FAM221B: variants seen among roughly 807,000 people sequenced by gnomAD.
FAM221B encodes the protein protein FAM221B.
In FAM221B, 35 loss-of-function variants were observed where a neutral mutation model predicts 39.8. The ratio of observed to expected loss-of-function variants is 0.88; its 90% confidence interval spans 0.67 to 1.17. FAM221B has a LOEUF of 1.17. Among genes scored for constraint, FAM221B ranks in the 50% most tolerant of loss-of-function variants. The pLI is 0.00. For synonymous variants in FAM221B, 158 were observed against 178.1 expected (o/e 0.89, Z 0.90); for missense variants, 479 against 503.1 (o/e 0.95, Z 0.46).
intron 3 of FAM221B, among the ~76,000 whole-genome samples, chr9:35,820,511 G>A (rs780152441): frequency 1.3e-5 from 2 of 152,202 alleles, no homozygotes; most frequent in African/African-American, 2.4e-5. Context: ...AGGAGAAGGA[G>A]GTTGGATAGC....
At chr9:35,824,484 T>C (rs1193339127) in intron 3 of FAM221B, among the ~76,000 whole-genome samples, 1 of 152,058 alleles carries the variant, frequency 6.6e-6, no homozygotes, top group Non-Finnish European at 1.5e-5. Flanking sequence ...GTACCCAGCA[T>C]GGGCCTGGCA....
chr9:35,828,686 G>C lies in FAM221B; in HGVS notation c.-224C>G, dbSNP rs1459671110. 1.0e-6 allele frequency: 1 copy of C among 985,434 alleles called. No individual in the cohort carries two copies. The highest frequency in any genetic ancestry group is 6.1e-5 in the Admixed American group (1 of 16,276). The allele number at this position is 985,434 out of a possible 1,614,324, so 61.0% of individuals were successfully genotyped here. ...AGGAGCTCTGGCATGACCTGGGGAA[G>C]TGGGTAGGGACAAGGGGTCTAGGGC... On this transcript the variant is annotated 5_prime_UTR_variant, in exon 1 of 7. Coordinates refer to ENST00000423537, the MANE Select transcript of FAM221B (RefSeq NM_001012446.4). The surrounding 1 kb of genome is among the most constrained non-coding windows in gnomAD (Gnocchi z 4.5).
In FAM221B at chr9:35,825,227, C is replaced by G. The variant is rs1055324391; in HGVS notation, c.742+3G>C. Reference sequence around the variant, plus strand: ...AGGCCTCTGAAAGGCCACATGGGCTCACCTGTCTGGATGGCATTCAGGGCT... The same window carrying G: ...AGGCCTCTGAAAGGCCACATGGGCTGACCTGTCTGGATGGCATTCAGGGCT... On this transcript the variant is annotated splice_donor_region_variant and intron_variant, in intron 3 of 6. Transcript: ENST00000423537. The surrounding 1 kb of genome is among the most constrained non-coding windows in gnomAD (Gnocchi z 4.2). 1.9e-6 allele frequency: 3 copies of G among 1,614,096 alleles called. No individual in the cohort carries two copies. In the Admixed American group the frequency reaches 5.0e-5, roughly 27 times the overall value.
chr9:35,825,825 G>T lies in FAM221B; in HGVS notation c.337C>A (p.Arg113=). The part of the protein sequence containing the change: ...EKHLTLPPQS[R]DYVCLSSSDT... ...GAAGAAGACAGACAGACATAGTCTCGTGATTGGGGAGGAAGAGTAAGGTGT... is the reference window on the plus strand; with the variant it reads ...GAAGAAGACAGACAGACATAGTCTCTTGATTGGGGAGGAAGAGTAAGGTGT... The change falls in exon 2 of 7, where the codon CGA becomes AGA. Residue 113 remains arginine, a synonymous_variant. Transcript: ENST00000423537. The surrounding 1 kb of genome is among the most constrained non-coding windows in gnomAD (Gnocchi z 4.2). 1 of 1,614,152 alleles carries T rather than the reference G, an allele frequency of 6.2e-7. No individual in the cohort carries two copies. Among genetic ancestry groups the T allele is most frequent in the Non-Finnish European group, 8.5e-7 (1 of 1,180,006 alleles).
chr9:35,822,079 T>C (rs1829163489), intron 3 of FAM221B, among the ~76,000 whole-genome samples: 1 of 152,242 alleles, frequency 6.6e-6, no homozygotes, highest in African/African-American at 2.4e-5. Flanking sequence ...GTCTCCAGCC[T>C]AGCCCTCTCT....
chr9:35,818,973 CA>C lies in FAM221B; in HGVS notation c.1087del (p.Cys363ValfsTer48). The C allele has an allele frequency of 1.3e-6, 2 of 1,551,706 alleles. No homozygotes were observed. Among genetic ancestry groups the C allele is most frequent in the Non-Finnish European group, 1.7e-6 (2 of 1,147,004 alleles). ...CTCCCAGCGCCGGTCACAGGCCGCA[CA>C]GAGGAAATTAGACTCAAAACAGCCG... Reference protein sequence around the residue: ...CCGCFESNFLCAACDRRWEEH... With the variant: ...CCGCFESNFLXAACDRRWEEH... On this transcript the variant is annotated frameshift_variant, in exon 6 of 7. Transcript: ENST00000423537. LOFTEE classifies it high-confidence loss of function.
intron 3 of FAM221B, among the ~76,000 whole-genome samples, chr9:35,824,069 G>A (rs1829226137): frequency 6.6e-6 from 1 of 152,148 alleles, no homozygotes; most frequent in Non-Finnish European, 1.5e-5. Context: ...CCCTGCATGG[G>A]AAAGGGGAAA....
Position 35,819,300 on chromosome 9 carries a change from C to G in FAM221B, c.948G>C (p.Lys316Asn). ...CCTTGGGGTCAAAGGTGGCCCGTCT[C>G]TTGAGCCAGAACTCACCCACCTCCT... ...RPEEVGEFWL[K>N]RRATFDPKAW... Residue 316 changes from lysine to asparagine, a missense_variant, in exon 5 of 7, where the codon AAG becomes AAC. Coordinates refer to ENST00000423537, the MANE Select transcript of FAM221B (RefSeq NM_001012446.4). The G allele has an allele frequency of 1.3e-6, 2 of 1,551,722 alleles. No individual in the cohort carries two copies. Among genetic ancestry groups the G allele is most frequent in the Non-Finnish European group, 1.7e-6 (2 of 1,146,996 alleles).
At chr9:35,821,668 C>G (rs1214929171) in intron 3 of FAM221B, 2 of 1,348,086 alleles carry the variant, frequency 1.5e-6, no homozygotes, top group African/African-American at 3.0e-5. Context: ...GGAGGTGAGG[C>G]CCAAAGATCA....
chr9:35,820,117 A>C (rs1176520945), intron 3 of FAM221B, 117 bp from the exon 4 acceptor site: 3 of 636,982 alleles, frequency 4.7e-6, no homozygotes, highest in African/African-American at 3.7e-5. Flanking sequence ...CCCCACCCCC[A>C]GGTATCTTTA....
rs1829293485 is a variant in FAM221B at position 35,825,056 on chromosome 9, G to A, written c.742+174C>T. Among the ~76,000 whole-genome samples, 1 of 152,070 alleles carries A rather than the reference G, an allele frequency of 6.6e-6. No individual in the cohort carries two copies. Among genetic ancestry groups the A allele is most frequent in the Admixed American group, 6.5e-5 (1 of 15,278 alleles). On this transcript the variant is annotated intron_variant, in intron 3 of 6. Coordinates refer to ENST00000423537, the MANE Select transcript of FAM221B (RefSeq NM_001012446.4). This position sits in a 1 kb window ranked among gnomAD's most constrained non-coding sequence, Gnocchi z 4.2. ...CTTTATATGAATCTCCCCACTTTTTGTCTGCATCCACCCTTGTATTCCTTG... is the reference window on the plus strand; with the variant it reads ...CTTTATATGAATCTCCCCACTTTTTATCTGCATCCACCCTTGTATTCCTTG...
intron 3 of FAM221B, chr9:35,821,692 G>A (rs1324895651): frequency 3.3e-6 from 4 of 1,196,634 alleles, no homozygotes; most frequent in Non-Finnish European, 4.6e-6. Context: ...CCTGCTCGGA[G>A]GGCCGGGGGG....
chr9:35,821,677 C>G (rs1829155222), intron 3 of FAM221B: 4 of 1,327,096 alleles, frequency 3.0e-6, no homozygotes, highest in Non-Finnish European at 4.0e-6. Flanking sequence ...GCCCAAAGAT[C>G]AAGGCCTGCT....
rs200370306 is a variant in FAM221B at position 35,828,329 on chromosome 9, A to T, written c.-1+134T>A. On this transcript the variant is annotated intron_variant, in intron 1 of 6. Transcript: ENST00000423537. This position sits in a 1 kb window ranked among gnomAD's most constrained non-coding sequence, Gnocchi z 4.5. ...CAACAACAACAACAACAACAACAAC[A>T]ACAACTACTACTACTACTACTACTA... 2.5e-3 allele frequency: 343 copies of T among 139,190 alleles called. 1 individual carries two copies. The highest frequency in any genetic ancestry group is 3.7e-3 in the Non-Finnish European group (253 of 68,950). 8.6% of individuals were successfully genotyped at this position (139,190 alleles called of 1,614,324 possible). A position where few individuals can be genotyped will look rare whatever the true frequency, so the allele number is the denominator to read the frequency against.
rs181239335 is a variant in FAM221B at position 35,817,345 on chromosome 9, A to G, written c.*1124T>C. ...CTCTTGTACTCCAACCCCTGCCCCT[A>G]CGTCTGCTACTGTACCTCATTAGAG... On this transcript the variant is annotated 3_prime_UTR_variant, in exon 7 of 7. Coordinates refer to ENST00000423537, the MANE Select transcript of FAM221B (RefSeq NM_001012446.4). The G allele has an allele frequency of 2.0e-5, 3 of 152,406 alleles. No individual in the cohort carries two copies. Among genetic ancestry groups the G allele is most frequent in the East Asian group, 1.9e-4 (1 of 5,180 alleles). 9.4% of individuals were successfully genotyped at this position (152,406 alleles called of 1,614,324 possible). A position where few individuals can be genotyped will look rare whatever the true frequency, so the allele number is the denominator to read the frequency against.
In FAM221B at chr9:35,819,925, C is replaced by T. The variant is rs758218399; in HGVS notation, c.818G>A (p.Cys273Tyr). The T allele has an allele frequency of 6.8e-6, 11 of 1,609,488 alleles. No individual in the cohort carries two copies. The South Asian group carries it at 9.9e-5, about 14-fold the overall frequency. The part of the protein sequence containing the change: ...FRIGDESRCF[C>Y]GHLLREHRII... ...CCGGTGCTCTCTCAACAAGTGTCCA[C>T]AAAAGCATCTGGACTCATCCCCAAT... The change falls in exon 4 of 7, where the codon TGT becomes TAT. Residue 273 changes from cysteine to tyrosine, a missense_variant. Cys to Tyr is a radical substitution (Grantham distance 194, BLOSUM62 -2). Coordinates refer to ENST00000423537, the MANE Select transcript of FAM221B (RefSeq NM_001012446.4).
intron 4 of FAM221B, 137 bp downstream of exon 4, chr9:35,819,753 C>T (rs1829104737): frequency 3.1e-6 from 2 of 650,560 alleles, no homozygotes; most frequent in Non-Finnish European, 2.8e-6. Flanking sequence ...GATCCACCCG[C>T]CTCCGCCTCC....
At position 35,818,220 on chromosome 9, in the gene FAM221B, A is replaced by G; in HGVS notation, c.*249T>C. ...TATTGGTGCCCCAACTGCATCTAAC[A>G]TCACTTCCCACTCTATCCTTCTTGA... On this transcript the variant is annotated 3_prime_UTR_variant, in exon 7 of 7. Transcript: ENST00000423537. 1 of 541,512 alleles carries G rather than the reference A, an allele frequency of 1.8e-6. No homozygotes were observed. Among genetic ancestry groups the G allele is most frequent in the Non-Finnish European group, 3.3e-6 (1 of 300,462 alleles). The allele number at this position is 541,512 out of a possible 1,614,324, so 33.5% of individuals were successfully genotyped here.
rs1296897647 is a variant in FAM221B, at chr9:35,818,164, A to T, written c.*305T>A. ...TGTTCCCAAAGATCTTCTAATTGCA[A>T]AACCCAATGGACACTTTTCAGTCTT... On this transcript the variant is annotated 3_prime_UTR_variant, in exon 7 of 7. Coordinates refer to ENST00000423537, the MANE Select transcript of FAM221B (RefSeq NM_001012446.4). 1 of 396,684 alleles carries T rather than the reference A, an allele frequency of 2.5e-6. No homozygotes were observed. Among genetic ancestry groups the T allele is most frequent in the Non-Finnish European group, 4.7e-6 (1 of 214,524 alleles). The allele number at this position is 396,684 out of a possible 1,614,324, so 24.6% of individuals were successfully genotyped here. A position where few individuals can be genotyped will look rare whatever the true frequency, so the allele number is the denominator to read the frequency against.
Sources: gnomAD v4.1 joint callset for allele counts (sites outside exome capture counted in the v4.1 genomes callset) on GRCh38, gnomAD v4.1.1 for gene constraint, Gnocchi (gnomAD v3.1) non-coding constraint, MANE v1.5 for transcripts, NCBI Gene and HGNC (gene_info 2026-07-23, HGNC 2026-07-21) for gene names.